TMCO4: variants seen among roughly 807,000 people sequenced by gnomAD.
TMCO4 encodes the protein transmembrane and coiled-coil domains 4, also known as transmembrane and coiled-coil domain-containing protein 4.
In TMCO4, 58 loss-of-function variants were observed where a neutral mutation model predicts 64.7. The ratio of observed to expected loss-of-function variants is 0.90; its 90% CI spans 0.73 to 1.12. The LOEUF is 1.12. Among genes scored for constraint, TMCO4 ranks in the 50% most tolerant of loss-of-function variants. TMCO4 has a pLI of 0.00. For missense variants in TMCO4, 780 were observed against 825.9 expected (o/e 0.94, Z 0.68); for synonymous variants, 325 against 346.1 (o/e 0.94, Z 0.68).
chr1:19,755,616 G>A lies in TMCO4; in HGVS notation c.515+18C>T. 1.9e-6 allele frequency: 3 copies of A among 1,613,410 alleles called. No individual in the cohort carries two copies. Among genetic ancestry groups the A allele is most frequent in the East Asian group, 2.2e-5 (1 of 44,864 alleles). On this transcript the variant is annotated intron_variant, in intron 7 of 15. Transcript: ENST00000294543. ...TGGAAATCCTTGGATCCTGATGGGG[G>A]TCGCGGGGCTCTCTTACTCAGATTC...
intron 13 of TMCO4, among the ~76,000 whole-genome samples, chr1:19,707,552 G>A (rs374454802): frequency 6.6e-6 from 1 of 152,244 alleles, no homozygotes; most frequent in Non-Finnish European, 1.5e-5. Flanking sequence ...GAACCTGGGA[G>A]GAGGAGATTG....
intron 13 of TMCO4, among the ~76,000 whole-genome samples, chr1:19,719,760 G>A (rs1366534570): frequency 2.6e-5 from 4 of 152,088 alleles, no homozygotes; most frequent in African/African-American, 4.8e-5. Context: ...TTGGGAGGCC[G>A]AGGCAGATGG....
intron 6 of TMCO4, among the ~76,000 whole-genome samples, chr1:19,762,836 G>A (rs887446639): frequency 1.3e-5 from 2 of 152,152 alleles, no homozygotes; most frequent in Admixed American, 6.5e-5. Context: ...GGCTGACCTC[G>A]TACCTGCTGG....
intron 13 of TMCO4, among the ~76,000 whole-genome samples, chr1:19,701,525 T>C (rs2095272242): frequency 6.6e-6 from 1 of 152,128 alleles, no homozygotes; most frequent in Non-Finnish European, 1.5e-5. Flanking sequence ...CAAGATCACA[T>C]GGCTAATAAG....
chr1:19,770,510 C>T (rs1464837909), intron 6 of TMCO4, 32 bp downstream of exon 6: 1 of 1,613,468 alleles, frequency 6.2e-7, no homozygotes, highest in South Asian at 1.1e-5. Context: ...GATGGGTACC[C>T]ACCATTTACA....
At chr1:19,685,471 T>G (rs563321577) in intron 15 of TMCO4, among the ~76,000 whole-genome samples, 1 of 152,216 alleles carries the variant, frequency 6.6e-6, no homozygotes, top group Non-Finnish European at 1.5e-5. Context: ...TGGGATATGT[T>G]GGTGAGCAAC....
intron 15 of TMCO4, among the ~76,000 whole-genome samples, chr1:19,687,105 C>A (rs771783940): frequency 6.6e-6 from 1 of 152,122 alleles, no homozygotes; most frequent in African/African-American, 2.4e-5. Flanking sequence ...ATGTGCACCA[C>A]CACACCTGGC....
intron 15 of TMCO4, among the ~76,000 whole-genome samples, chr1:19,691,044 A>G (rs559679618): frequency 2.0e-5 from 3 of 151,640 alleles, no homozygotes; most frequent in South Asian, 4.2e-4. Context: ...AATTTTTTGT[A>G]TTTTTAGTAG....
At chr1:19,721,757 C>G (rs1301802402) in intron 13 of TMCO4, among the ~76,000 whole-genome samples, 2 of 151,980 alleles carry the variant, frequency 1.3e-5, no homozygotes, top group African/African-American at 4.8e-5. Context: ...CCACCGCACT[C>G]CAGCCTGGGT....
intron 13 of TMCO4, among the ~76,000 whole-genome samples, chr1:19,729,724 C>T (rs1311627277): frequency 2.6e-5 from 4 of 151,902 alleles, no homozygotes; most frequent in Non-Finnish European, 4.4e-5. Flanking sequence ...GAGATTGCAC[C>T]ACTGCACTCC....
chr1:19,737,709 T>C (rs2095461863), intron 12 of TMCO4, among the ~76,000 whole-genome samples: 2 of 152,218 alleles, frequency 1.3e-5, no homozygotes, highest in South Asian at 4.1e-4. Context: ...CTGGGTTAAT[T>C]CCCTTTCATC....
chr1:19,784,845 TA>T (rs34693780), intron 3 of TMCO4, among the ~76,000 whole-genome samples: 3,834 of 97,784 alleles, frequency 0.039, 87 homozygotes, highest in African/African-American at 0.085. Flanking sequence ...GCTGATGCAC[TA>T]AAAAAAAAAA....
In TMCO4 at chr1:19,743,279, G is replaced by A. The variant is rs773397091; in HGVS notation, c.877+2253C>T. On this transcript the variant is annotated intron_variant, in intron 10 of 15. Transcript: ENST00000294543. The surrounding 1 kb of genome is among the most constrained non-coding windows in gnomAD (Gnocchi z 4.1). ...GACAGCCACTTCCCTGGACTGAAGT[G>A]AGGAGCTAAATGAGCCAGTGCATAG... is the stretch of plus-strand genomic sequence containing the variant. Among the ~76,000 whole-genome samples the A allele has an allele frequency of 6.6e-6, 1 of 152,086 alleles. No individual in the cohort carries two copies. Among genetic ancestry groups the A allele is most frequent in the Non-Finnish European group, 1.5e-5 (1 of 68,010 alleles).
At chr1:19,735,127 G>A (rs888464633) in intron 13 of TMCO4, among the ~76,000 whole-genome samples, 16 of 149,438 alleles carry the variant, frequency 1.1e-4, no homozygotes, top group South Asian at 2.1e-4. Flanking sequence ...GCTGGAGAGC[G>A]GACACAAAAT....
intron 13 of TMCO4, among the ~76,000 whole-genome samples, chr1:19,704,220 T>C (rs1247970447): frequency 6.6e-6 from 1 of 152,252 alleles, no homozygotes. Context: ...AATGACAATC[T>C]GGCAGAAGAA....
At chr1:19,771,523 G>A in intron 4 of TMCO4, 41 bp from the exon 5 acceptor site, 1 of 1,599,448 alleles carries the variant, frequency 6.3e-7, no homozygotes, top group African/African-American at 1.3e-5. Flanking sequence ...GATCCTCAGA[G>A]CTCAGCCTCC....
rs188244435 is a variant in TMCO4 at position 19,725,392 on chromosome 1, A to G, written c.1264+11980T>C. Among the ~76,000 whole-genome samples, 12 of 152,318 alleles carry G rather than the reference A, an allele frequency of 7.9e-5. No individual in the cohort carries two copies. The East Asian group carries it at 1.5e-3, about 20-fold the overall frequency. ...AACCTGAAGCAGCAATTGATTTCCTATGGCCATTTCTCAGCTCAGCCAGCT... is the reference window on the plus strand; with the variant it reads ...AACCTGAAGCAGCAATTGATTTCCTGTGGCCATTTCTCAGCTCAGCCAGCT... On this transcript the variant is annotated intron_variant, in intron 13 of 15. Coordinates refer to ENST00000294543, the MANE Select transcript of TMCO4 (RefSeq NM_181719.7).
intron 13 of TMCO4, among the ~76,000 whole-genome samples, chr1:19,710,208 GCCAC>G (rs2100675970): frequency 6.6e-6 from 1 of 152,126 alleles, no homozygotes; most frequent in East Asian, 1.9e-4. Flanking sequence ...CCAGGCTCAA[GCCAC>G]CCTCCTGCCT....
chr1:19,686,869 G>A (rs1158629594), intron 15 of TMCO4, among the ~76,000 whole-genome samples: 1 of 152,226 alleles, frequency 6.6e-6, no homozygotes, highest in African/African-American at 2.4e-5. Context: ...AGGAGTTCAA[G>A]GGCCTGGCAC....
Sources: gnomAD v4.1 joint callset for allele counts (sites outside exome capture counted in the v4.1 genomes callset) on GRCh38, gnomAD v4.1.1 for gene constraint, Gnocchi (gnomAD v3.1) non-coding constraint, MANE v1.5 for transcripts, NCBI Gene and HGNC (gene_info 2026-07-23, HGNC 2026-07-21) for gene names.